The following ADGRB3 variants were observed in gnomAD, a reference collection of about 807,000 sequenced individuals.
ADGRB3 encodes brain-specific angiogenesis inhibitor 3.
A neutral mutation model predicts 193.4 loss-of-function variants in ADGRB3; 37 were observed. The ratio of observed to expected loss-of-function variants is 0.19; its 90% CI spans 0.15 to 0.25. The LOEUF (loss-of-function observed/expected upper bound fraction) is 0.25. Among genes scored for constraint, ADGRB3 ranks in the 10% least tolerant of loss-of-function variants. The pLI, the probability that ADGRB3 is intolerant of heterozygous loss-of-function variation, is 1.00. For synonymous variants in ADGRB3, 690 were observed against 644.2 expected (o/e 1.07, Z -1.08); for missense variants, 1,637 against 1,852.9 (o/e 0.88, Z 2.14).
chr6:68,849,316 G>A (rs1768350417), intron 3 of ADGRB3, among the ~76,000 whole-genome samples: 1 of 151,404 alleles, frequency 6.6e-6, no homozygotes, highest in African/African-American at 2.4e-5. Flanking sequence ...TAGCATCTAA[G>A]CTACACATTT....
At chr6:69,126,381 T>G (rs906006775) in intron 17 of ADGRB3, among the ~76,000 whole-genome samples, 1 of 151,976 alleles carries the variant, frequency 6.6e-6, no homozygotes, top group South Asian at 2.1e-4. Flanking sequence ...ACCAGGAACG[T>G]TGGTAGAGTG....
intron 3 of ADGRB3, among the ~76,000 whole-genome samples, chr6:68,749,785 A>G (rs1395304989): frequency 1.3e-5 from 2 of 152,198 alleles, no homozygotes; most frequent in African/African-American, 4.8e-5. Flanking sequence ...GGAAGTCAAA[A>G]TAGTCTGTAT....
chr6:68,865,914 T>C (rs1765283341), intron 3 of ADGRB3, among the ~76,000 whole-genome samples: 1 of 152,154 alleles, frequency 6.6e-6, no homozygotes, highest in Non-Finnish European at 1.5e-5. Context: ...AAATTGCGTC[T>C]TACCAGTAAC....
intron 17 of ADGRB3, among the ~76,000 whole-genome samples, chr6:69,173,617 GATATT>G (rs1703152324): frequency 6.6e-6 from 1 of 151,974 alleles, no homozygotes; most frequent in Admixed American, 6.6e-5. Context: ...AAATGGAAAG[GATATT>G]ATAATAGTCA....
intron 20 of ADGRB3, among the ~76,000 whole-genome samples, chr6:69,290,233 T>C (rs1767638820): frequency 6.6e-6 from 1 of 151,980 alleles, no homozygotes; most frequent in Admixed American, 6.6e-5. Context: ...AAATATAAAA[T>C]AGAATTCTGA....
At chr6:69,114,789 T>C (rs1370351903) in intron 17 of ADGRB3, among the ~76,000 whole-genome samples, 2 of 152,204 alleles carry the variant, frequency 1.3e-5, no homozygotes, top group Non-Finnish European at 2.9e-5. Context: ...ATTGCTTCTT[T>C]TTGTCAGGTT....
intron 3 of ADGRB3, among the ~76,000 whole-genome samples, chr6:68,747,917 A>C (rs555976417): frequency 1.3e-5 from 2 of 152,326 alleles, no homozygotes; most frequent in South Asian, 4.1e-4. Context: ...GGGGCCTCAG[A>C]ATCATGGCGG....
intron 3 of ADGRB3, among the ~76,000 whole-genome samples, chr6:68,698,720 G>T (rs35226684): frequency 1.3e-5 from 2 of 151,990 alleles, no homozygotes; most frequent in African/African-American, 2.4e-5. Context: ...GTGAGAGGGT[G>T]CTAGGAAAGC....
chr6:69,131,466 C>T (rs1250078378), intron 17 of ADGRB3, among the ~76,000 whole-genome samples: 1 of 151,794 alleles, frequency 6.6e-6, no homozygotes, highest in Non-Finnish European at 1.5e-5. Flanking sequence ...AGTCATCCAC[C>T]TTGAATGCCC....
chr6:68,906,355 T>C (rs912450369), intron 3 of ADGRB3, among the ~76,000 whole-genome samples: 37 of 151,840 alleles, frequency 2.4e-4, no homozygotes, highest in African/African-American at 8.5e-4. Flanking sequence ...AGGTATACCA[T>C]GTATATTGAA....
intron 13 of ADGRB3, among the ~76,000 whole-genome samples, chr6:69,026,945 T>A (rs1204334178): frequency 1.3e-5 from 2 of 152,130 alleles, no homozygotes; most frequent in East Asian, 3.9e-4. Flanking sequence ...AGTGTGAGGG[T>A]GTAGGAAATT....
chr6:68,779,773 T>A (rs1766819459), intron 3 of ADGRB3, among the ~76,000 whole-genome samples: 1 of 152,098 alleles, frequency 6.6e-6, no homozygotes, highest in South Asian at 2.1e-4. Flanking sequence ...GATGATGTGC[T>A]CCTGACAATG....
Position 68,694,561 on chromosome 6 carries a change from T to C in ADGRB3, c.757+55129T>C, listed in dbSNP as rs547481630. ...CTACACACACAGATGTCTGCTGAGATGTCCATTATCCCATGTGGCCCTCAA... is the reference window on the plus strand; with the variant it reads ...CTACACACACAGATGTCTGCTGAGACGTCCATTATCCCATGTGGCCCTCAA... On this transcript the variant is annotated intron_variant, in intron 3 of 31. Coordinates refer to ENST00000370598, the MANE Select transcript of ADGRB3 (RefSeq NM_001704.3). 4.6e-5 allele frequency among the ~76,000 whole-genome samples: 7 copies of C among 152,140 alleles called. No homozygotes were observed. The South Asian group carries it at 1.0e-3, about 22-fold the overall frequency.
intron 17 of ADGRB3, among the ~76,000 whole-genome samples, chr6:69,189,953 A>G (rs991919927): frequency 2.0e-5 from 3 of 152,194 alleles, no homozygotes; most frequent in Non-Finnish European, 4.4e-5. Flanking sequence ...CACTGTAGCC[A>G]TCATAACATC....
intron 3 of ADGRB3, among the ~76,000 whole-genome samples, chr6:68,799,005 A>G (rs147773850): frequency 2.0e-3 from 310 of 152,300 alleles, no homozygotes; most frequent in African/African-American, 6.2e-3. Context: ...CCTCTGGGCT[A>G]CAGAAGACAG....
At chr6:69,089,693 T>C (rs537733521) in intron 17 of ADGRB3, among the ~76,000 whole-genome samples, 1 of 152,224 alleles carries the variant, frequency 6.6e-6, no homozygotes, top group African/African-American at 2.4e-5. Flanking sequence ...TCCTGTACTG[T>C]GAGCATGGTC....
chr6:69,154,551 GT>G (rs1774776432), intron 17 of ADGRB3, among the ~76,000 whole-genome samples: 2 of 152,166 alleles, frequency 1.3e-5, no homozygotes, highest in South Asian at 4.2e-4. Flanking sequence ...GAATAATTTT[GT>G]TCATATACTT....
chr6:69,364,129 A>G (rs564821009), intron 29 of ADGRB3, among the ~76,000 whole-genome samples: 31 of 152,086 alleles, frequency 2.0e-4, no homozygotes, highest in African/African-American at 7.0e-4. Context: ...GATGGCCAAG[A>G]TCCTCAGGAT....
chr6:69,259,180 A>G (rs531150384), intron 20 of ADGRB3, among the ~76,000 whole-genome samples: 86 of 152,332 alleles, frequency 5.6e-4, no homozygotes, highest in South Asian at 1.9e-3. Flanking sequence ...TAATAAGAAA[A>G]TGAGTCAGTA....
Sources: gnomAD v4.1 joint callset for allele counts (sites outside exome capture counted in the v4.1 genomes callset) on GRCh38, gnomAD v4.1.1 for gene constraint, MANE v1.5 for transcripts, NCBI Gene and HGNC (gene_info 2026-07-23, HGNC 2026-07-21) for gene names.